Variants in VAV2 observed in about 807,000 individuals in gnomAD.
The protein encoded by VAV2 is guanine nucleotide exchange factor VAV2.
In VAV2, 67 loss-of-function variants were observed where a neutral mutation model predicts 132.5. The ratio of observed to expected loss-of-function variants is 0.51; its 90% confidence interval spans 0.42 to 0.62. The LOEUF is 0.62. VAV2 is among the 20% of genes least tolerant of loss of function. VAV2 has a pLI of 0.00. For missense variants in VAV2, 938 were observed against 1,153.6 expected, an observed-to-expected ratio of 0.81 and a Z score of 2.71; for synonymous variants, 492 against 443.5, an observed-to-expected ratio of 1.11 and a Z score of -1.37.
At chr9:133,951,004 C>A (rs1412186612) in intron 1 of VAV2, among the ~76,000 whole-genome samples, 1 of 152,210 alleles carries the variant, frequency 6.6e-6, no homozygotes, top group East Asian at 1.9e-4. Flanking sequence ...CCCTTCACAG[C>A]CAGCAGACAC....
chr9:133,887,013 C>G (rs926010807), intron 2 of VAV2, among the ~76,000 whole-genome samples: 1 of 152,168 alleles, frequency 6.6e-6, no homozygotes, highest in Non-Finnish European at 1.5e-5. Context: ...CCCCCCCTCC[C>G]CACCCCGGGC....
At chr9:133,911,868 T>C (rs965683980) in intron 2 of VAV2, among the ~76,000 whole-genome samples, 7 of 152,260 alleles carry the variant, frequency 4.6e-5, no homozygotes, top group Non-Finnish European at 5.9e-5. Context: ...CACTCTCACG[T>C]GGCCCAGAGC....
At position 133,868,523 on chromosome 9, in the gene VAV2, G is replaced by A. The variant is rs117590577; in HGVS notation, c.322-7091C>T. Among the ~76,000 whole-genome samples, 38 of 152,336 alleles carry A rather than the reference G, an allele frequency of 2.5e-4. No individual in the cohort carries two copies. The East Asian group carries it at 5.6e-3, about 22-fold the overall frequency. On this transcript the variant is annotated intron_variant, in intron 2 of 29. Coordinates refer to ENST00000371850, the MANE Select transcript of VAV2 (RefSeq NM_001134398.2). ...AGCCTGGCCCAAAGCAGGGACTCGC[G>A]CACAGCTTGCGGAAAGGGGACTGTG...
chr9:133,944,777 G>A (rs1208339804), intron 1 of VAV2, among the ~76,000 whole-genome samples: 3 of 152,256 alleles, frequency 2.0e-5, no homozygotes, highest in African/African-American at 4.8e-5. Flanking sequence ...ACTGTCTCAG[G>A]GGCTGACTCC....
chr9:133,893,710 A>G (rs1839077130), intron 2 of VAV2, among the ~76,000 whole-genome samples: 1 of 152,184 alleles, frequency 6.6e-6, no homozygotes, highest in East Asian at 1.9e-4. Context: ...GGCAGCTTTC[A>G]TTGCCTGAAC....
chr9:133,899,099 G>T (rs542437968), intron 2 of VAV2, among the ~76,000 whole-genome samples: 196 of 152,072 alleles, frequency 1.3e-3, no homozygotes, highest in African/African-American at 3.8e-3. Flanking sequence ...GGGATTACAG[G>T]CGTGAGCCAC....
intron 4 of VAV2, among the ~76,000 whole-genome samples, chr9:133,817,893 T>G (rs547622344): frequency 6.6e-6 from 1 of 152,186 alleles, no homozygotes; most frequent in Non-Finnish European, 1.5e-5. Context: ...TGATTTTGTA[T>G]GTGAATTTGA....
intron 2 of VAV2, among the ~76,000 whole-genome samples, chr9:133,888,691 C>T (rs551642698): frequency 6.6e-6 from 1 of 152,332 alleles, no homozygotes; most frequent in South Asian, 2.1e-4. Flanking sequence ...AGGGTCAGAG[C>T]TAGACAAACA....
Position 133,795,710 on chromosome 9 carries a change from C to G in VAV2, c.1059G>C (p.Arg353=), listed in dbSNP as rs775973147. 2 of 1,614,136 alleles carry G rather than the reference C, an allele frequency of 1.2e-6. No individual in the cohort carries two copies. The highest frequency in any genetic ancestry group is 2.2e-5 in the South Asian group (2 of 91,082). ...LKELLSHSAE[R]PERQQLKEAL... The stretch of plus-strand genomic sequence containing the variant: ...CTTCTTTGAGCTGCTGCCTCTCAGG[C>G]CGTTCCGCAGAATGGCTCAGAAGCT... Residue 353 remains arginine, a synonymous_variant, in exon 12 of 30, where the codon CGG becomes CGC. Transcript: ENST00000371850.
chr9:133,911,672 C>T (rs1485791575), intron 2 of VAV2, among the ~76,000 whole-genome samples: 3 of 152,216 alleles, frequency 2.0e-5, no homozygotes, highest in East Asian at 3.9e-4. Context: ...TCAGGTAACT[C>T]GTCTTTCCTG....
chr9:133,770,244 G>A (rs1243955730), intron 27 of VAV2, 134 bp downstream of exon 27: 1 of 1,388,532 alleles, frequency 7.2e-7, no homozygotes, highest in African/African-American at 1.4e-5. Flanking sequence ...ATGGCTGGGG[G>A]AGGGGCGGGG....
chr9:133,895,225 G>A (rs757563136), intron 2 of VAV2, among the ~76,000 whole-genome samples: 2 of 152,040 alleles, frequency 1.3e-5, no homozygotes, highest in African/African-American at 4.8e-5. Context: ...AGATCTCTGA[G>A]GGCTCCAAAG....
chr9:133,868,502 T>C (rs1206727800), intron 2 of VAV2, among the ~76,000 whole-genome samples: 2 of 152,154 alleles, frequency 1.3e-5, no homozygotes, highest in Non-Finnish European at 2.9e-5. Flanking sequence ...AGACGGAGCC[T>C]GGCCCAAAGC....
At chr9:133,987,849 C>T (rs1166120008) in intron 1 of VAV2, among the ~76,000 whole-genome samples, 1 of 152,174 alleles carries the variant, frequency 6.6e-6, no homozygotes, top group African/African-American at 2.4e-5. Flanking sequence ...CCAGGCACTT[C>T]AGATAAAAAA....
At chr9:133,836,465 A>T (rs1400686704) in intron 3 of VAV2, among the ~76,000 whole-genome samples, 1 of 152,242 alleles carries the variant, frequency 6.6e-6, no homozygotes, top group Non-Finnish European at 1.5e-5. Flanking sequence ...TTCCATAATA[A>T]AGAAAAATAG....
At position 133,804,645 on chromosome 9, in the gene VAV2, C is replaced by T. The variant is rs551238115; in HGVS notation, c.836+1436G>A. On this transcript the variant is annotated intron_variant, in intron 9 of 29. Transcript: ENST00000371850. This position sits in a 1 kb window ranked among gnomAD's most constrained non-coding sequence, Gnocchi z 4.5. ...ATCCGTGGCTCCCTCCCTTCCTGGC[C>T]GAGGGACAGCATGAACAAGGCGCTG... Among the ~76,000 whole-genome samples, 132 of 152,320 alleles carry T rather than the reference C, an allele frequency of 8.7e-4. No homozygotes were observed. The highest frequency in any genetic ancestry group is 1.6e-3 in the Non-Finnish European group (110 of 68,020).
Position 133,788,212 on chromosome 9 carries a change from G to A in VAV2, c.1407+142C>T. On this transcript the variant is annotated intron_variant, in intron 15 of 29. Transcript: ENST00000371850. The surrounding 1 kb of genome is among the most constrained non-coding windows in gnomAD (Gnocchi z 5.3). ...TGACTCAGAGAGGAGCCTTCCTGCA[G>A]AGCGGAGACGCCCACCCCAACCCAC... 1 of 1,151,092 alleles carries A rather than the reference G, an allele frequency of 8.7e-7. No individual in the cohort carries two copies. The highest frequency in any genetic ancestry group is 3.0e-4 in the Middle Eastern group (1 of 3,286). 71.3% of individuals were successfully genotyped at this position (1,151,092 alleles called of 1,614,324 possible).
chr9:133,776,283 C>T (rs1833808507), intron 23 of VAV2, among the ~76,000 whole-genome samples: 1 of 152,214 alleles, frequency 6.6e-6, no homozygotes, highest in Non-Finnish European at 1.5e-5. Flanking sequence ...GTAGATGCCC[C>T]GTGGGTCTGA....
At chr9:133,797,919 C>A in intron 9 of VAV2, 110 bp from the exon 10 acceptor site, 2 of 910,118 alleles carry the variant, frequency 2.2e-6, no homozygotes, top group South Asian at 3.4e-5. Flanking sequence ...AACCAACAGG[C>A]CCCTCCCCTG....
Sources: gnomAD v4.1 joint callset for allele counts (sites outside exome capture counted in the v4.1 genomes callset) on GRCh38, gnomAD v4.1.1 for gene constraint, Gnocchi (gnomAD v3.1) non-coding constraint, MANE v1.5 for transcripts, NCBI Gene and HGNC (gene_info 2026-07-23, HGNC 2026-07-21) for gene names.